Variants in IKZF3 observed in about 807,000 individuals in gnomAD.
IKZF3 encodes the protein IKAROS family zinc finger 3.
Under a neutral mutation model 49.0 loss-of-function variants are expected in IKZF3, and 10 were observed. That is an observed-to-expected ratio of 0.20 (90% CI 0.13 to 0.35). The LOEUF is 0.35. Ranked by LOEUF, IKZF3 falls within the 10% of genes least tolerant of loss-of-function variation. The pLI, the probability that IKZF3 is intolerant of heterozygous loss-of-function variation, is 1.00. For synonymous variants in IKZF3, 209 were observed against 228.2 expected, an observed-to-expected ratio of 0.92 and a Z score of 0.76; for missense variants, 498 against 664.8, an observed-to-expected ratio of 0.75 and a Z score of 2.76.
At chr17:39,835,217 C>T in intron 1 of IKZF3, 1 of 522,804 alleles carries the variant, frequency 1.9e-6, no homozygotes, top group South Asian at 1.5e-5. Context: ...TCAGCTGGCT[C>T]TCCTTGCCCT....
chr17:39,825,374 G>C (rs543821690), intron 3 of IKZF3, among the ~76,000 whole-genome samples: 1 of 152,328 alleles, frequency 6.6e-6, no homozygotes, highest in African/African-American at 2.4e-5. Context: ...CAAGATCACA[G>C]GAGAAAGCAC....
chr17:39,829,332 T>G, intron 3 of IKZF3, 55 bp downstream of exon 3: 2 of 1,242,168 alleles, frequency 1.6e-6, no homozygotes, highest in Non-Finnish European at 2.4e-6. Context: ...TTCTCTACAC[T>G]AAGCCTAAGC....
intron 6 of IKZF3, among the ~76,000 whole-genome samples, chr17:39,781,075 G>A (rs1367317153): frequency 1.3e-5 from 2 of 152,212 alleles, no homozygotes; most frequent in Non-Finnish European, 2.9e-5. Flanking sequence ...CTGACCAGCA[G>A]TTGTAAATAA....
At chr17:39,843,788 C>T (rs1245778880) in intron 1 of IKZF3, among the ~76,000 whole-genome samples, 3 of 144,660 alleles carry the variant, frequency 2.1e-5, no homozygotes, top group African/African-American at 5.2e-5. Flanking sequence ...GCCTGGGCGA[C>T]AGAGTGAGAC....
intron 7 of IKZF3, among the ~76,000 whole-genome samples, chr17:39,767,872 G>A (rs1281507155): frequency 5.3e-5 from 8 of 152,018 alleles, no homozygotes; most frequent in South Asian, 4.2e-4. Context: ...AGACCAGCCC[G>A]GGCAACATGG....
chr17:39,846,763 A>C (rs1243166729), intron 1 of IKZF3, among the ~76,000 whole-genome samples: 4 of 152,126 alleles, frequency 2.6e-5, no homozygotes. Flanking sequence ...CTATTAAATA[A>C]TTACCATTGA....
intron 6 of IKZF3, among the ~76,000 whole-genome samples, chr17:39,780,996 A>G (rs968697456): frequency 3.3e-5 from 5 of 152,186 alleles, no homozygotes; most frequent in African/African-American, 1.2e-4. Flanking sequence ...GTAAATGAAA[A>G]CAGTAAGGGT....
At chr17:39,819,001 C>A (rs912941635) in intron 3 of IKZF3, among the ~76,000 whole-genome samples, 1 of 152,200 alleles carries the variant, frequency 6.6e-6, no homozygotes, top group Admixed American at 6.5e-5. Flanking sequence ...AGACCCCTAG[C>A]AACTGAGAAA....
At chr17:39,774,100 A>G (rs1277025669) in intron 7 of IKZF3, among the ~76,000 whole-genome samples, 3 of 152,174 alleles carry the variant, frequency 2.0e-5, no homozygotes, top group African/African-American at 7.2e-5. Context: ...TCTCTAATGG[A>G]TGCAAAATGC....
Position 39,766,486 on chromosome 17 carries a change from C to T in IKZF3, c.834G>A (p.Lys278=). ...TATAGTTGACATCAAAGCAGTGGCG[C>T]TTCTCACCTGGAACAAGTGACAGAA... ...SSMPQKFIGE[K]RHCFDVNYNS... The change falls in exon 8 of 8, where the codon AAG becomes AAA. Residue 278 remains lysine (K), a synonymous_variant. Coordinates refer to ENST00000346872, the MANE Select transcript of IKZF3 (RefSeq NM_012481.5). The T allele has an allele frequency of 6.2e-7, 1 of 1,606,504 alleles. No homozygotes were observed. Among genetic ancestry groups the T allele is most frequent in the Non-Finnish European group, 8.5e-7 (1 of 1,176,740 alleles).
intron 1 of IKZF3, among the ~76,000 whole-genome samples, chr17:39,834,108 ATG>A (rs2144328980): frequency 6.6e-6 from 1 of 152,130 alleles, no homozygotes; most frequent in Admixed American, 6.5e-5. Context: ...CTCAACTGGG[ATG>A]TGTTTGTTTT....
chr17:39,863,729 A>G (rs138959946), intron 1 of IKZF3, among the ~76,000 whole-genome samples: 1 of 152,298 alleles, frequency 6.6e-6, no homozygotes, highest in African/African-American at 2.4e-5. Flanking sequence ...GAAGAAAACA[A>G]GTTACTCAGA....
chr17:39,776,276 C>A (rs967795837), intron 7 of IKZF3, among the ~76,000 whole-genome samples: 1 of 152,192 alleles, frequency 6.6e-6, no homozygotes, highest in Non-Finnish European at 1.5e-5. Context: ...TAACTTTCTC[C>A]AAACTAAAAT....
chr17:39,808,914 A>G (rs1392763905), intron 3 of IKZF3, among the ~76,000 whole-genome samples: 1 of 152,232 alleles, frequency 6.6e-6, no homozygotes, highest in African/African-American at 2.4e-5. Flanking sequence ...AGGTATGACC[A>G]CAGCCTAGGC....
intron 3 of IKZF3, among the ~76,000 whole-genome samples, chr17:39,807,365 G>A (rs2061452194): frequency 6.7e-6 from 1 of 150,132 alleles, no homozygotes; most frequent in South Asian, 2.1e-4. Flanking sequence ...ACAGTGAATT[G>A]ATAATCAAAA....
intron 3 of IKZF3, among the ~76,000 whole-genome samples, chr17:39,796,500 C>T (rs2061165627): frequency 6.6e-6 from 1 of 151,592 alleles, no homozygotes; most frequent in African/African-American, 2.4e-5. Context: ...TTTCACCTTT[C>T]ATCACATCAT....
chr17:39,766,537 G>T, intron 7 of IKZF3, 44 bp from the exon 8 acceptor site: 1 of 1,482,680 alleles, frequency 6.7e-7, no homozygotes, highest in South Asian at 1.2e-5. Flanking sequence ...ACACTGCCAA[G>T]GCAGAGAGTT....
Position 39,791,401 on chromosome 17 carries a change from AT to A in IKZF3, c.592+14del. On this transcript the variant is annotated intron_variant, in intron 5 of 7. Transcript: ENST00000346872. ...TGCACTTCCTAGACAAGGAATGCTC[AT>A]TTCTCTCACTTACCAGAATGTGTCC... The A allele has an allele frequency of 6.2e-7, 1 of 1,613,216 alleles. No individual in the cohort carries two copies. The highest frequency in any genetic ancestry group is 8.5e-7 in the Non-Finnish European group (1 of 1,179,404).
intron 3 of IKZF3, among the ~76,000 whole-genome samples, chr17:39,818,517 C>A (rs1308849480): frequency 6.6e-6 from 1 of 152,192 alleles, no homozygotes; most frequent in Non-Finnish European, 1.5e-5. Flanking sequence ...CTACTATAAT[C>A]TGTTTGCAGA....
Sources: gnomAD v4.1 joint callset for allele counts (sites outside exome capture counted in the v4.1 genomes callset) on GRCh38, gnomAD v4.1.1 for gene constraint, MANE v1.5 for transcripts, NCBI Gene and HGNC (gene_info 2026-07-23, HGNC 2026-07-21) for gene names.